The following MED28 variants were observed in gnomAD, a reference collection of about 807,000 sequenced individuals.
The protein encoded by MED28 is mediator complex subunit 28.
A neutral mutation model predicts 21.3 loss-of-function variants in MED28; 26 were observed. That is an observed-to-expected ratio of 1.22 (90% CI 0.89 to 1.69). The LOEUF is 1.69. Among genes scored for constraint, MED28 ranks in the 40% most tolerant of loss-of-function variants. MED28 has a pLI of 0.00. For synonymous variants in MED28, 110 were observed against 87.6 expected (o/e 1.26, Z -1.43); for missense variants, 257 against 215.4 (o/e 1.19, Z -1.21).
Position 17,621,642 on chromosome 4 carries a change from T to C in MED28, c.282T>C (p.Phe94=). The change falls in exon 3 of 4, where the codon TTT becomes TTC. Residue 94 remains phenylalanine, a synonymous_variant. Coordinates refer to ENST00000237380, the MANE Select transcript of MED28 (RefSeq NM_025205.5). ...FLDIARQTEC[F]FLQKRLQLSV... is the part of the protein sequence containing the mutation. ...ATATTGCAAGACAGACAGAATGTTT[T>C]TTCTTACAAAAAAGATTGCAGTTAT... The C allele has an allele frequency of 6.2e-7, 1 of 1,611,378 alleles. No individual in the cohort carries two copies. Among genetic ancestry groups the C allele is most frequent in the Non-Finnish European group, 8.5e-7 (1 of 1,179,452 alleles).
chr4:17,632,739 C>A lies in MED28; in HGVS notation c.*8941C>A. 1 of 693,346 alleles carries A rather than the reference C, an allele frequency of 1.4e-6. No individual in the cohort carries two copies. The highest frequency in any genetic ancestry group is 2.4e-6 in the Non-Finnish European group (1 of 409,714). 42.9% of individuals were successfully genotyped at this position (693,346 alleles called of 1,614,324 possible). ...TGCTTGTTTACTCTTCAAAAACACC[C>A]AAATGGGACTGGCCAACATTAGTAG... On this transcript the variant is annotated 3_prime_UTR_variant, in exon 4 of 4. Transcript: ENST00000237380.
chr4:17,632,526 G>C lies in MED28; in HGVS notation c.*8728G>C, dbSNP rs1714986272. On this transcript the variant is annotated 3_prime_UTR_variant, in exon 4 of 4. Coordinates refer to ENST00000237380, the MANE Select transcript of MED28 (RefSeq NM_025205.5). ...GTATCCTCTGTGATGTATCCCAAAG[G>C]TTAGCTTAGAAAGAAAAGTACTTGG... 5 of 1,546,354 alleles carry C rather than the reference G, an allele frequency of 3.2e-6. No homozygotes were observed. The highest frequency in any genetic ancestry group is 4.4e-6 in the Non-Finnish European group (5 of 1,142,612).
At chr4:17,616,880 G>C (rs764115672) in intron 1 of MED28, among the ~76,000 whole-genome samples, 3 of 152,294 alleles carry the variant, frequency 2.0e-5, no homozygotes, top group Admixed American at 6.5e-5. Flanking sequence ...AGAACTCCTT[G>C]CCTGATTCAC....
At chr4:17,619,763 G>C (rs1442846573) in intron 1 of MED28, 138 bp from the exon 2 acceptor site, 1 of 695,064 alleles carries the variant, frequency 1.4e-6, no homozygotes, top group Admixed American at 2.4e-5. Flanking sequence ...CCATTGGCAT[G>C]GTGTCTTGCC....
At chr4:17,619,827 T>A in intron 1 of MED28, 74 bp from the exon 2 acceptor site, 1 of 1,358,916 alleles carries the variant, frequency 7.4e-7, no homozygotes, top group South Asian at 1.2e-5. Flanking sequence ...TCAGGAGAAG[T>A]TATTTCTTCC....
intron 2 of MED28, among the ~76,000 whole-genome samples, chr4:17,620,553 G>A (rs896152038): frequency 2.0e-5 from 3 of 152,062 alleles, no homozygotes; most frequent in East Asian, 3.9e-4. Flanking sequence ...GGCTGGTGTC[G>A]AACTCCTGAT....
rs1714719526 is a variant in MED28, at chr4:17,624,351, T to C, written c.*553T>C. 1 of 157,980 alleles carries C rather than the reference T, an allele frequency of 6.3e-6. No individual in the cohort carries two copies. The highest frequency in any genetic ancestry group is 1.8e-4 in the South Asian group (1 of 5,572). 9.8% of individuals were successfully genotyped at this position (157,980 alleles called of 1,614,324 possible). The stretch of plus-strand genomic sequence containing the variant: ...GAATGAGGATTTTTTTGTAAATAGG[T>C]CAGAAGACGATGGAACTGTCCTGGG... On this transcript the variant is annotated 3_prime_UTR_variant, in exon 4 of 4. Transcript: ENST00000237380.
chr4:17,627,091 G>C lies in MED28; in HGVS notation c.*3293G>C, dbSNP rs1451382735. 1 of 151,916 alleles carries C rather than the reference G, an allele frequency of 6.6e-6. No homozygotes were observed. Among genetic ancestry groups the C allele is most frequent in the Non-Finnish European group, 1.5e-5 (1 of 68,244 alleles). 9.4% of individuals were successfully genotyped at this position (151,916 alleles called of 1,614,324 possible). On this transcript the variant is annotated 3_prime_UTR_variant, in exon 4 of 4. Transcript: ENST00000237380. ...TAATTTTCCTACGTCAGCCTCCCGA[G>C]TAGCTGTCAGGTGCACACCACTACA...
At position 17,631,442 on chromosome 4, in the gene MED28, G is replaced by A. The variant is rs969493772; in HGVS notation, c.*7644G>A. 9 of 152,204 alleles carry A rather than the reference G, an allele frequency of 5.9e-5. No individual in the cohort carries two copies. Among genetic ancestry groups the A allele is most frequent in the African/African-American group, 2.2e-4 (9 of 41,424 alleles). 9.4% of individuals were successfully genotyped at this position (152,204 alleles called of 1,614,324 possible). ...AGCCTCCCAAAGTGTTGGGATTACA[G>A]GCATGAGCCATGTGCCCAGTCTAGA... is the stretch of plus-strand genomic sequence containing the variant. On this transcript the variant is annotated 3_prime_UTR_variant, in exon 4 of 4. Coordinates refer to ENST00000237380, the MANE Select transcript of MED28 (RefSeq NM_025205.5).
Position 17,624,198 on chromosome 4 carries a change from G to A in MED28, c.*400G>A, listed in dbSNP as rs981402930. On this transcript the variant is annotated 3_prime_UTR_variant, in exon 4 of 4. Coordinates refer to ENST00000237380, the MANE Select transcript of MED28 (RefSeq NM_025205.5). ...GAATCAGGAGATGGGAGTTTTAGTC[G>A]TAGGCCTTATGATAATTACCCCGCG... 3.3e-5 allele frequency: 7 copies of A among 210,472 alleles called. No individual in the cohort carries two copies. The highest frequency in any genetic ancestry group is 2.3e-4 in the East Asian group (2 of 8,750). 13.0% of individuals were successfully genotyped at this position (210,472 alleles called of 1,614,324 possible). A position where few individuals can be genotyped will look rare whatever the true frequency, so the allele number is the denominator to read the frequency against.
rs566232535 is a variant in MED28, at chr4:17,624,049, GA to G, written c.*253del. ...TTGTCTTTAGCAAAGTTTAGACTGT[GA>G]ATATGATGACACAGATTCTTTTTTA... On this transcript the variant is annotated 3_prime_UTR_variant, in exon 4 of 4. Coordinates refer to ENST00000237380, the MANE Select transcript of MED28 (RefSeq NM_025205.5). The G allele has an allele frequency of 6.1e-5, 29 of 473,018 alleles. No individual in the cohort carries two copies. The highest frequency in any genetic ancestry group is 1.0e-4 in the Non-Finnish European group (27 of 263,186). 29.3% of individuals were successfully genotyped at this position (473,018 alleles called of 1,614,324 possible). A position where few individuals can be genotyped will look rare whatever the true frequency, so the allele number is the denominator to read the frequency against.
chr4:17,625,780 A>C lies in MED28; in HGVS notation c.*1982A>C, dbSNP rs1714759611. The stretch of plus-strand genomic sequence containing the variant: ...ACCTGTGGAATGCCCTCTGCCAAGC[A>C]CTGCTCTGGTACTGGGGAGTGGAGT... On this transcript the variant is annotated 3_prime_UTR_variant, in exon 4 of 4. Coordinates refer to ENST00000237380, the MANE Select transcript of MED28 (RefSeq NM_025205.5). The C allele has an allele frequency of 7.4e-6, 3 of 403,856 alleles. No individual in the cohort carries two copies. The allele number at this position is 403,856 out of a possible 1,614,324, so 25.0% of individuals were successfully genotyped here.
rs1020134151 is a variant in MED28 at position 17,630,628 on chromosome 4, T to C, written c.*6830T>C. 1 of 152,168 alleles carries C rather than the reference T, an allele frequency of 6.6e-6. No individual in the cohort carries two copies. The highest frequency in any genetic ancestry group is 1.5e-5 in the Non-Finnish European group (1 of 68,022). 9.4% of individuals were successfully genotyped at this position (152,168 alleles called of 1,614,324 possible). On this transcript the variant is annotated 3_prime_UTR_variant, in exon 4 of 4. Coordinates refer to ENST00000237380, the MANE Select transcript of MED28 (RefSeq NM_025205.5). ...AACTAAGACACTCTAAGCGGGAAACTCACAAAAAATATTTGGTAGTGAAAA... is the reference window on the plus strand; with the variant it reads ...AACTAAGACACTCTAAGCGGGAAACCCACAAAAAATATTTGGTAGTGAAAA...
chr4:17,614,722 T>C lies in MED28; in HGVS notation c.68T>C (p.Leu23Pro). The C allele has an allele frequency of 6.2e-7, 1 of 1,614,232 alleles. No individual in the cohort carries two copies. Among genetic ancestry groups the C allele is most frequent in the Non-Finnish European group, 8.5e-7 (1 of 1,180,030 alleles). ...GGTCCCCCTCAGGCCCCGCCGGGCCTTCCGGGCCAAGCTTCGCTTCTTCAG... is the reference window on the plus strand; with the variant it reads ...GGTCCCCCTCAGGCCCCGCCGGGCCCTCCGGGCCAAGCTTCGCTTCTTCAG... ...PPGPPQAPPG[L>P]PGQASLLQAA... The change falls in exon 1 of 4, where the codon CTT (leucine) becomes CCT (proline). Residue 23 changes from leucine (L) to proline (P), a missense_variant. Transcript: ENST00000237380.
intron 2 of MED28, 105 bp downstream of exon 2, chr4:17,620,072 C>A: frequency 9.6e-7 from 1 of 1,037,544 alleles, no homozygotes; most frequent in Non-Finnish European, 1.5e-6. Context: ...CCTAAGACAA[C>A]ATTTCAGGGA....
rs1448409766 is a variant in MED28 at position 17,633,812 on chromosome 4, C to A, written c.*10014C>A. 3 of 1,551,478 alleles carry A rather than the reference C, an allele frequency of 1.9e-6. No homozygotes were observed. Among genetic ancestry groups the A allele is most frequent in the Non-Finnish European group, 2.6e-6 (3 of 1,146,982 alleles). On this transcript the variant is annotated 3_prime_UTR_variant, in exon 4 of 4. Transcript: ENST00000237380. ...ATTAATCCTGGAACTCAGATCGCCA[C>A]TCAGAAAGTTCTTTGCATAGGAGGC...
rs554487483 is a variant in MED28 at position 17,617,883 on chromosome 4, G to A, written c.160-2018G>A. Among the ~76,000 whole-genome samples the A allele has an allele frequency of 2.1e-3, 324 of 151,798 alleles. 1 individual carries two copies. Among genetic ancestry groups the A allele is most frequent in the African/African-American group, 6.7e-3 (276 of 41,380 alleles). ...GATCGTGCCACTGACTCTAGCCTGG[G>A]CAATAGAGTGAGACTCCATCTCAAA... On this transcript the variant is annotated intron_variant, in intron 1 of 3. Transcript: ENST00000237380.
intron 2 of MED28, among the ~76,000 whole-genome samples, chr4:17,620,692 CTTTTTTTTTTT>C (rs146604205): frequency 4.6e-5 from 5 of 108,900 alleles, no homozygotes; most frequent in Non-Finnish European, 9.1e-5. Context: ...TGCATTGTCT[CTTTTTTTTTTT>C]TTTTTTTTTT....
rs1012497105 is a variant in MED28, at chr4:17,627,945, G to C, written c.*4147G>C. The C allele has an allele frequency of 6.6e-5, 10 of 152,288 alleles. No homozygotes were observed. Among genetic ancestry groups the C allele is most frequent in the African/African-American group, 1.4e-4 (6 of 41,442 alleles). 9.4% of individuals were successfully genotyped at this position (152,288 alleles called of 1,614,324 possible). ...TGCCCCGGTGTTCCTTGGCCCACCT[G>C]TCAGACCTACATCATAGGCTCTTCC... is the stretch of plus-strand genomic sequence containing the variant. On this transcript the variant is annotated 3_prime_UTR_variant, in exon 4 of 4. Coordinates refer to ENST00000237380, the MANE Select transcript of MED28 (RefSeq NM_025205.5).
Sources: gnomAD v4.1 joint callset for allele counts (sites outside exome capture counted in the v4.1 genomes callset) on GRCh38, gnomAD v4.1.1 for gene constraint, MANE v1.5 for transcripts, NCBI Gene and HGNC (gene_info 2026-07-23, HGNC 2026-07-21) for gene names.